Variants in GALNT13 observed in about 807,000 individuals in gnomAD.
GALNT13 encodes the protein UDP-GalNAc:polypeptide N-acetylgalactosaminyltransferase 13.
A neutral mutation model predicts 64.2 loss-of-function variants in GALNT13; 28 were observed. The ratio of observed to expected loss-of-function variants is 0.44; its 90% CI spans 0.32 to 0.60. GALNT13 has a LOEUF of 0.60. GALNT13 is among the 20% of genes least tolerant of loss of function. The pLI, the probability that GALNT13 is intolerant of heterozygous loss-of-function variation, is 0.05. For missense variants in GALNT13, 577 were observed against 669.8 expected, an observed-to-expected ratio of 0.86 and a Z score of 1.53; for synonymous variants, 214 against 224.6, an observed-to-expected ratio of 0.95 and a Z score of 0.42.
intron 3 of GALNT13, among the ~76,000 whole-genome samples, chr2:154,035,639 C>T (rs1698617104): frequency 6.6e-6 from 1 of 151,976 alleles, no homozygotes; most frequent in Non-Finnish European, 1.5e-5. Context: ...ATATTTTCAT[C>T]ACTTTGTTAT....
intron 1 of GALNT13, among the ~76,000 whole-genome samples, chr2:153,884,801 A>ATG (rs753065559): frequency 0.31 from 32,667 of 104,810 alleles, 5,583 homozygotes; most frequent in East Asian, 0.7. Flanking sequence ...GTGTATATAT[A>ATG]TATATGTGTG....
At chr2:154,070,792 C>T (rs758484518) in intron 3 of GALNT13, among the ~76,000 whole-genome samples, 1 of 151,904 alleles carries the variant, frequency 6.6e-6, no homozygotes, top group African/African-American at 2.4e-5. Context: ...TGGTAGGGGC[C>T]TATAATCCCA....
intron 3 of GALNT13, among the ~76,000 whole-genome samples, chr2:154,064,832 T>A (rs1370354337): frequency 6.6e-6 from 1 of 152,114 alleles, no homozygotes; most frequent in African/African-American, 2.4e-5. Flanking sequence ...AAAGATTCCT[T>A]CTGCTTGAGA....
the GALNT13 span, among the ~76,000 whole-genome samples, chr2:153,348,052 T>C: frequency 6.6e-6 from 1 of 152,182 alleles, no homozygotes; most frequent in African/African-American, 2.4e-5. Context: ...TAGAGTGTAA[T>C]GGTCAACCTC....
intron 8 of GALNT13, among the ~76,000 whole-genome samples, chr2:154,275,864 G>T (rs2105930494): frequency 1.3e-5 from 2 of 152,212 alleles, no homozygotes. Flanking sequence ...AAAGCCACAG[G>T]AATGGAGCTA....
chr2:153,307,510 AT>A, the GALNT13 span, among the ~76,000 whole-genome samples: 1 of 152,114 alleles, frequency 6.6e-6, no homozygotes, highest in African/African-American at 2.4e-5. Context: ...AATATTATAA[AT>A]TTTACACTTT....
At chr2:153,345,583 C>A in the GALNT13 span, among the ~76,000 whole-genome samples, 3 of 151,784 alleles carry the variant, frequency 2.0e-5, no homozygotes, top group Admixed American at 6.6e-5. Context: ...CACCCTGCCC[C>A]CAACCCCCAC....
chr2:154,268,737 T>C (rs1376902147), intron 8 of GALNT13, among the ~76,000 whole-genome samples: 1 of 152,102 alleles, frequency 6.6e-6, no homozygotes, highest in Non-Finnish European at 1.5e-5. Context: ...TAGGTTAGAT[T>C]CTCAATATAT....
chr2:154,115,723 T>C (rs1703261064), intron 3 of GALNT13, among the ~76,000 whole-genome samples: 1 of 152,028 alleles, frequency 6.6e-6, no homozygotes, highest in African/African-American at 2.4e-5. Context: ...GCCCGGCCTA[T>C]TAGAATTTAT....
At chr2:154,100,556 G>T (rs1574498566) in intron 3 of GALNT13, among the ~76,000 whole-genome samples, 1 of 152,038 alleles carries the variant, frequency 6.6e-6, no homozygotes, top group African/African-American at 2.4e-5. Context: ...TGTTGATTTT[G>T]TACCCTGAAA....
At chr2:153,797,600 T>C in the GALNT13 span, among the ~76,000 whole-genome samples, 4 of 152,294 alleles carry the variant, frequency 2.6e-5, no homozygotes, top group African/African-American at 4.8e-5. Flanking sequence ...TGTGTTTCCC[T>C]GAAGAACCCA....
At chr2:154,368,600 G>A (rs1482264182) in intron 9 of GALNT13, among the ~76,000 whole-genome samples, 1 of 152,176 alleles carries the variant, frequency 6.6e-6, no homozygotes, top group Non-Finnish European at 1.5e-5. Flanking sequence ...CCACAGCTCA[G>A]GGTCAGGTTT....
rs151068829 is a variant in GALNT13 at position 154,111,734 on chromosome 2, C to T, written c.143-28603C>T. Among the ~76,000 whole-genome samples the T allele has an allele frequency of 2.2e-3, 339 of 152,226 alleles. 2 individuals are homozygous for T. Among genetic ancestry groups the T allele is most frequent in the African/African-American group, 7.3e-3 (305 of 41,554 alleles). ...GGGAGAAAGAGCACCATATATTGGACGCTGATTCAGAGTATACACAGCCTT... is the reference window on the plus strand; with the variant it reads ...GGGAGAAAGAGCACCATATATTGGATGCTGATTCAGAGTATACACAGCCTT... On this transcript the variant is annotated intron_variant, in intron 3 of 12. Transcript: ENST00000392825.
At chr2:154,291,119 T>C (rs1307833388) in intron 8 of GALNT13, among the ~76,000 whole-genome samples, 14 of 152,132 alleles carry the variant, frequency 9.2e-5, no homozygotes, top group Admixed American at 9.2e-4. Flanking sequence ...CGCGGCTGGC[T>C]TGGGTGGCCT....
At chr2:153,739,144 C>A in the GALNT13 span, among the ~76,000 whole-genome samples, 1 of 151,794 alleles carries the variant, frequency 6.6e-6, no homozygotes, top group East Asian at 1.9e-4. Flanking sequence ...ACTTTTAAAT[C>A]AATAAATTAC....
At chr2:153,448,043 C>T in the GALNT13 span, among the ~76,000 whole-genome samples, 1 of 152,156 alleles carries the variant, frequency 6.6e-6, no homozygotes, top group Non-Finnish European at 1.5e-5. Context: ...AATTGACCTA[C>T]AGAGCAATTA....
At chr2:153,807,403 C>T in the GALNT13 span, among the ~76,000 whole-genome samples, 1 of 151,940 alleles carries the variant, frequency 6.6e-6, no homozygotes, top group South Asian at 2.1e-4. Flanking sequence ...TATTAGATAA[C>T]TACCTTTGCC....
At chr2:154,093,102 T>C (rs1197970453) in intron 3 of GALNT13, among the ~76,000 whole-genome samples, 1 of 152,042 alleles carries the variant, frequency 6.6e-6, no homozygotes, top group East Asian at 1.9e-4. Context: ...GTAGCCCTAC[T>C]TATGTCTCAA....
the GALNT13 span, among the ~76,000 whole-genome samples, chr2:153,475,630 C>T: frequency 3.3e-5 from 5 of 152,162 alleles, no homozygotes; most frequent in Non-Finnish European, 7.3e-5. Context: ...GGTTTGACCC[C>T]TCCTTCAGCC....
Sources: gnomAD v4.1 joint callset for allele counts (sites outside exome capture counted in the v4.1 genomes callset) on GRCh38, gnomAD v4.1.1 for gene constraint, MANE v1.5 for transcripts, NCBI Gene and HGNC (gene_info 2026-07-23, HGNC 2026-07-21) for gene names.